The following ADAMTSL1 variants were observed in gnomAD, a reference collection of about 807,000 sequenced individuals.
ADAMTSL1 encodes the protein ADAMTS-like protein 1.
A neutral mutation model predicts 201.8 loss-of-function variants in ADAMTSL1; 126 were observed. That is an observed-to-expected ratio of 0.62 (90% CI 0.54 to 0.72). The LOEUF is 0.72. Among genes scored for constraint, ADAMTSL1 ranks in the 30% least tolerant of loss-of-function variants. ADAMTSL1 has a pLI of 0.00. For missense variants in ADAMTSL1, 2,679 were observed against 2,277.8 expected (o/e 1.18, Z -3.59); for synonymous variants, 1,121 against 903.4 (o/e 1.24, Z -4.32).
In ADAMTSL1 at chr9:18,681,963, A is replaced by G. The variant is rs1164126292; in HGVS notation, c.1489+4A>G. 2 of 1,614,032 alleles carry G rather than the reference A, an allele frequency of 1.2e-6. No individual in the cohort carries two copies. Among genetic ancestry groups the G allele is most frequent in the South Asian group, 1.1e-5 (1 of 91,056 alleles). ...ACTCCCTGCTATAAACCCAAAGGTA[A>G]CTTGACAGGTGCTCTATTACCAGCC... On this transcript the variant is annotated splice_donor_region_variant and intron_variant, in intron 12 of 28. Coordinates refer to ENST00000380548, the MANE Select transcript of ADAMTSL1 (RefSeq NM_001040272.6).
intron 1 of ADAMTSL1, among the ~76,000 whole-genome samples, chr9:18,157,983 G>A (rs1399755703): frequency 1.3e-5 from 2 of 152,066 alleles, no homozygotes; most frequent in Non-Finnish European, 2.9e-5. Flanking sequence ...GTCTAAAAAC[G>A]TTTAGTCACC....
chr9:18,251,265 A>G (rs985336181), intron 2 of ADAMTSL1, among the ~76,000 whole-genome samples: 3 of 152,194 alleles, frequency 2.0e-5, no homozygotes, highest in African/African-American at 7.2e-5. Context: ...AGAGTTCTAG[A>G]ACAAGAAATA....
intron 2 of ADAMTSL1, among the ~76,000 whole-genome samples, chr9:18,356,183 A>C (rs944539500): frequency 6.6e-6 from 1 of 152,212 alleles, no homozygotes; most frequent in African/African-American, 2.4e-5. Flanking sequence ...CATCCCCTCA[A>C]TGTGGCTGAG....
intron 1 of ADAMTSL1, among the ~76,000 whole-genome samples, chr9:18,023,184 G>A (rs1198447377): frequency 6.6e-6 from 1 of 151,926 alleles, no homozygotes; most frequent in Non-Finnish European, 1.5e-5. Flanking sequence ...AATTTACCTA[G>A]AACAATGACT....
At chr9:18,766,083 G>C (rs1252412586) in intron 16 of ADAMTSL1, among the ~76,000 whole-genome samples, 2 of 151,084 alleles carry the variant, frequency 1.3e-5, no homozygotes, top group African/African-American at 4.8e-5. Context: ...GAGTACACAG[G>C]GAAAGGGGGG....
chr9:18,845,255 T>C (rs1167747995), intron 23 of ADAMTSL1, among the ~76,000 whole-genome samples: 1 of 151,650 alleles, frequency 6.6e-6, no homozygotes, highest in Non-Finnish European at 1.5e-5. Flanking sequence ...CTCACAAATC[T>C]CCATTGGAGG....
chr9:18,035,087 A>G (rs775528394), intron 1 of ADAMTSL1, among the ~76,000 whole-genome samples: 5 of 152,226 alleles, frequency 3.3e-5, no homozygotes, highest in Non-Finnish European at 7.3e-5. Flanking sequence ...CTAATTTAAA[A>G]AGATATTTTA....
At chr9:18,500,027 T>G (rs1822750952) in intron 1 of ADAMTSL1, among the ~76,000 whole-genome samples, 1 of 152,222 alleles carries the variant, frequency 6.6e-6, no homozygotes, top group Non-Finnish European at 1.5e-5. Flanking sequence ...CTTACATCTT[T>G]CATGTATTTG....
intron 2 of ADAMTSL1, among the ~76,000 whole-genome samples, chr9:18,436,118 G>A (rs938511519): frequency 1.3e-5 from 2 of 152,204 alleles, no homozygotes; most frequent in Non-Finnish European, 2.9e-5. Flanking sequence ...GCACCCTGGA[G>A]GGTTTGCAGG....
At chr9:18,233,983 A>G (rs897302079) in intron 2 of ADAMTSL1, among the ~76,000 whole-genome samples, 2 of 152,216 alleles carry the variant, frequency 1.3e-5, no homozygotes, top group African/African-American at 4.8e-5. Context: ...TCTGGCCAAC[A>G]TGTGAGCACT....
chr9:18,665,088 G>GA (rs1269895352), intron 9 of ADAMTSL1, among the ~76,000 whole-genome samples: 2 of 151,870 alleles, frequency 1.3e-5, no homozygotes, highest in East Asian at 3.9e-4. Flanking sequence ...ATGTCTAGTT[G>GA]AAAAAATAAC....
At chr9:18,747,352 G>T (rs1819207317) in intron 15 of ADAMTSL1, among the ~76,000 whole-genome samples, 1 of 151,868 alleles carries the variant, frequency 6.6e-6, no homozygotes, top group African/African-American at 2.4e-5. Flanking sequence ...CTAAGTTCTG[G>T]GCTCTGCTGA....
At chr9:18,819,542 G>C (rs1264957120) in intron 21 of ADAMTSL1, among the ~76,000 whole-genome samples, 1 of 151,992 alleles carries the variant, frequency 6.6e-6, no homozygotes, top group Non-Finnish European at 1.5e-5. Flanking sequence ...GAATCTGGTT[G>C]AGGAAGTATT....
At chr9:18,636,393 C>T (rs972268898) in intron 6 of ADAMTSL1, among the ~76,000 whole-genome samples, 18 of 151,946 alleles carry the variant, frequency 1.2e-4, no homozygotes, top group Non-Finnish European at 2.1e-4. Flanking sequence ...TCTTTTCTTC[C>T]TTTATTCTCT....
At chr9:17,988,540 C>A (rs886191115) in intron 1 of ADAMTSL1, among the ~76,000 whole-genome samples, 1 of 151,090 alleles carries the variant, frequency 6.6e-6, no homozygotes, top group African/African-American at 2.4e-5. Context: ...TATAAAATCC[C>A]CTTATTGTTC....
chr9:18,192,272 C>G (rs1433206291), intron 2 of ADAMTSL1, among the ~76,000 whole-genome samples: 1 of 152,088 alleles, frequency 6.6e-6, no homozygotes, highest in Non-Finnish European at 1.5e-5. Flanking sequence ...TTGAAAACAT[C>G]ACCACTTAGA....
At chr9:18,222,631 T>G (rs1056768230) in intron 2 of ADAMTSL1, among the ~76,000 whole-genome samples, 5 of 151,018 alleles carry the variant, frequency 3.3e-5, no homozygotes, top group Admixed American at 1.3e-4. Flanking sequence ...TTGTTTCAAT[T>G]TACTCATATA....
intron 2 of ADAMTSL1, among the ~76,000 whole-genome samples, chr9:18,191,886 G>C (rs1457014510): frequency 6.6e-6 from 1 of 152,116 alleles, no homozygotes; most frequent in Non-Finnish European, 1.5e-5. Flanking sequence ...TTGAAAAAGA[G>C]AGTAATAAAA....
intron 4 of ADAMTSL1, chr9:18,574,652 A>G (rs988747828): frequency 9.8e-6 from 3 of 305,278 alleles, no homozygotes; most frequent in Non-Finnish European, 1.8e-5. Context: ...ACTCAGTTTC[A>G]GAATAAATCA....
Sources: gnomAD v4.1 joint callset for allele counts (sites outside exome capture counted in the v4.1 genomes callset) on GRCh38, gnomAD v4.1.1 for gene constraint, MANE v1.5 for transcripts, NCBI Gene and HGNC (gene_info 2026-07-23, HGNC 2026-07-21) for gene names.